ARHGAP6: variants seen among roughly 807,000 people sequenced by gnomAD.
The protein encoded by ARHGAP6 is rho GTPase-activating protein 6.
A neutral mutation model predicts 55.7 loss-of-function variants in ARHGAP6; 16 were observed. The observed-to-expected ratio is 0.29, with a 90% CI of 0.19 to 0.44. ARHGAP6 has a LOEUF of 0.44. ARHGAP6 is among the 20% of genes least tolerant of loss of function. ARHGAP6 has a pLI of 1.00. For synonymous variants in ARHGAP6, 382 were observed against 360.9 expected, an observed-to-expected ratio of 1.06 and a Z score of -0.66; for missense variants, 698 against 808.9, an observed-to-expected ratio of 0.86 and a Z score of 1.66.
chrX:11,329,078 T>G (rs2048532099), intron 1 of ARHGAP6, among the ~76,000 whole-genome samples: 1 of 112,068 alleles, frequency 8.9e-6, no homozygotes. Context: ...AGCAGCCCTA[T>G]CATCTTTGCA....
intron 1 of ARHGAP6, among the ~76,000 whole-genome samples, chrX:11,271,487 G>A (rs2047692661): frequency 9.2e-6 from 1 of 108,752 alleles, no homozygotes; most frequent in Non-Finnish European, 1.9e-5. Flanking sequence ...TCTTCTCAGT[G>A]GGGTTCTTCT....
chrX:11,179,344 G>A lies in ARHGAP6; in HGVS notation c.1438C>T (p.Leu480Phe). ...KEFLRDMPDP[L>F]LTRELYTAFI... ...GCTGTGTACAGCTCCCTGGTGAGAA[G>A]GGGGTCTGGCATGTCCCTCAGGAAC... is the stretch of plus-strand genomic sequence containing the variant. The change falls in exon 7 of 13, where the codon CTT (leucine) becomes TTT (phenylalanine). Residue 480 changes from leucine (L) to phenylalanine (F), a missense_variant. Transcript: ENST00000337414. 8.3e-7 allele frequency: 1 copy of A among 1,209,702 alleles called. No individual in the cohort carries two copies. The highest frequency in any genetic ancestry group is 1.1e-6 in the Non-Finnish European group (1 of 894,620).
intron 1 of ARHGAP6, among the ~76,000 whole-genome samples, chrX:11,534,997 T>TACC (rs766724419): frequency 5.4e-5 from 6 of 111,356 alleles, no homozygotes; most frequent in Non-Finnish European, 9.4e-5. Context: ...TATATACTGA[T>TACC]ACCATCTTAT....
At chrX:11,231,123 A>G (rs931969758) in intron 2 of ARHGAP6, among the ~76,000 whole-genome samples, 2 of 112,441 alleles carry the variant, frequency 1.8e-5, no homozygotes, top group African/African-American at 6.5e-5. Context: ...AAGTCGCACT[A>G]AAACAAACGT....
chrX:11,552,317 G>T (rs2051274123), intron 1 of ARHGAP6, among the ~76,000 whole-genome samples: 1 of 107,471 alleles, frequency 9.3e-6, no homozygotes, highest in African/African-American at 3.4e-5. Context: ...GTACACTATT[G>T]GTGAGAATGT....
At chrX:11,500,750 T>C (rs1252402983) in intron 1 of ARHGAP6, among the ~76,000 whole-genome samples, 1 of 108,346 alleles carries the variant, frequency 9.2e-6, no homozygotes, top group Non-Finnish European at 1.9e-5. Context: ...AAAAATCATA[T>C]AAAATAAATC....
intron 1 of ARHGAP6, among the ~76,000 whole-genome samples, chrX:11,479,076 C>A (rs2041753867): frequency 8.9e-6 from 1 of 112,039 alleles, no homozygotes; most frequent in Non-Finnish European, 1.9e-5. Context: ...CATTTGAATC[C>A]ACTCAGTCTC....
chrX:11,387,657 CT>C (rs1427805343), intron 1 of ARHGAP6, among the ~76,000 whole-genome samples: 1 of 111,419 alleles, frequency 9.0e-6, no homozygotes, highest in Non-Finnish European at 1.9e-5. Context: ...CCCCCATTAA[CT>C]AGTCATTTAA....
At chrX:11,381,785 C>T (rs1415582185) in intron 1 of ARHGAP6, among the ~76,000 whole-genome samples, 2 of 111,947 alleles carry the variant, frequency 1.8e-5, no homozygotes, top group African/African-American at 6.5e-5. Context: ...CATGAATTCA[C>T]GAGAGAAGGC....
intron 1 of ARHGAP6, among the ~76,000 whole-genome samples, chrX:11,559,823 G>C (rs769212225): frequency 4.0e-4 from 44 of 108,789 alleles, no homozygotes; most frequent in African/African-American, 1.4e-3. Context: ...AGCTACTCGG[G>C]AGGCTGAGGC....
At chrX:11,348,815 A>T (rs897096331) in intron 1 of ARHGAP6, among the ~76,000 whole-genome samples, 1 of 110,331 alleles carries the variant, frequency 9.1e-6, no homozygotes, top group Non-Finnish European at 1.9e-5. Flanking sequence ...CCTACTAATT[A>T]AAAAAAGTTT....
At chrX:11,631,914 G>T (rs113124621) in intron 1 of ARHGAP6, among the ~76,000 whole-genome samples, 8 of 111,607 alleles carry the variant, frequency 7.2e-5, no homozygotes, top group African/African-American at 2.3e-4. Flanking sequence ...AGCATTCTTT[G>T]CTCACAGGAT....
At chrX:11,505,399 C>T (rs2050721689) in intron 1 of ARHGAP6, among the ~76,000 whole-genome samples, 1 of 110,911 alleles carries the variant, frequency 9.0e-6, no homozygotes, top group Non-Finnish European at 1.9e-5. Flanking sequence ...CAAAAAATAC[C>T]AAGATGCTGG....
chrX:11,541,045 G>A (rs1410534689), intron 1 of ARHGAP6, among the ~76,000 whole-genome samples: 2 of 112,281 alleles, frequency 1.8e-5, no homozygotes, highest in Non-Finnish European at 3.8e-5. Flanking sequence ...GTTTCTAAAT[G>A]TAAGTTTTGT....
chrX:11,281,302 T>A (rs934492293), intron 1 of ARHGAP6, among the ~76,000 whole-genome samples: 4 of 110,997 alleles, frequency 3.6e-5, no homozygotes, highest in African/African-American at 1.3e-4. Flanking sequence ...CCCTGTGAGG[T>A]GCTGGTCAGG....
At chrX:11,234,012 A>C (rs1370577215) in intron 2 of ARHGAP6, among the ~76,000 whole-genome samples, 1 of 112,412 alleles carries the variant, frequency 8.9e-6, no homozygotes, top group Non-Finnish European at 1.9e-5. Flanking sequence ...GTTTATACAC[A>C]TATGTATTTC....
intron 1 of ARHGAP6, among the ~76,000 whole-genome samples, chrX:11,485,792 T>C (rs5933890): frequency 0.026 from 2,876 of 111,491 alleles, 41 homozygotes; most frequent in Middle Eastern, 0.06. Flanking sequence ...AGGGATTTTT[T>C]CCACAAGAAT....
chrX:11,602,394 G>T (rs1190832557), intron 1 of ARHGAP6, among the ~76,000 whole-genome samples: 1 of 112,216 alleles, frequency 8.9e-6, no homozygotes, highest in Non-Finnish European at 1.9e-5. Flanking sequence ...ATTCAGGCTT[G>T]GAAAATGCAC....
intron 1 of ARHGAP6, among the ~76,000 whole-genome samples, chrX:11,596,510 C>T (rs879251690): frequency 1.8e-5 from 2 of 111,110 alleles, no homozygotes; most frequent in East Asian, 5.6e-4. Flanking sequence ...CACCATGGAA[C>T]GTGTATACCT....
Sources: gnomAD v4.1 joint callset for allele counts (sites outside exome capture counted in the v4.1 genomes callset) on GRCh38, gnomAD v4.1.1 for gene constraint, MANE v1.5 for transcripts, NCBI Gene and HGNC (gene_info 2026-07-23, HGNC 2026-07-21) for gene names.